The following SOS1 variants were observed in gnomAD, a reference collection of about 807,000 sequenced individuals.
SOS1 encodes the protein SOS Ras/Rac guanine nucleotide exchange factor 1.
Under a neutral mutation model 157.6 loss-of-function variants are expected in SOS1, and 25 were observed. The ratio of observed to expected loss-of-function variants is 0.16; its 90% CI spans 0.12 to 0.22. SOS1 has a LOEUF of 0.22. Among genes scored for constraint, SOS1 ranks in the 10% least tolerant of loss-of-function variants. The pLI, the probability that SOS1 is intolerant of heterozygous loss-of-function variation, is 1.00. For missense variants in SOS1, 1,237 were observed against 1,599.1 expected (o/e 0.77, Z 3.86); for synonymous variants, 528 against 534.0 (o/e 0.99, Z 0.16).
intron 1 of SOS1, among the ~76,000 whole-genome samples, chr2:39,077,297 G>A (rs1210933130): frequency 6.7e-6 from 1 of 148,716 alleles, no homozygotes; most frequent in Non-Finnish European, 1.5e-5. Flanking sequence ...AGCCGAGATC[G>A]TGCCAGAGTG....
chr2:39,014,712 A>G (rs1298684997), intron 11 of SOS1, 53 bp downstream of exon 11: 7 of 971,398 alleles, frequency 7.2e-6, no homozygotes, highest in Non-Finnish European at 1.1e-5. Context: ...TCTTAGCTCA[A>G]TCTCTTTTTT....
At chr2:39,082,014 G>T (rs1672218616) in intron 1 of SOS1, among the ~76,000 whole-genome samples, 1 of 151,978 alleles carries the variant, frequency 6.6e-6, no homozygotes, top group African/African-American at 2.4e-5. Flanking sequence ...ATGGTAAATG[G>T]GGTATCCATT....
intron 8 of SOS1, among the ~76,000 whole-genome samples, chr2:39,028,969 T>G (rs761858874): frequency 1.4e-4 from 22 of 152,250 alleles, no homozygotes; most frequent in Non-Finnish European, 2.5e-4. Context: ...TTAGCAAATG[T>G]ATGAAATATT....
intron 17 of SOS1, among the ~76,000 whole-genome samples, chr2:39,001,341 G>A (rs754505854): frequency 7.2e-5 from 11 of 152,178 alleles, no homozygotes; most frequent in Non-Finnish European, 1.5e-4. Flanking sequence ...GGGATTACAG[G>A]CTTGAGCCAC....
Position 39,035,220 on chromosome 2 carries a change from G to T in SOS1, c.1066C>A (p.Leu356Ile). The change falls in exon 8 of 23, where the codon CTT becomes ATT. Residue 356 changes from leucine (L) to isoleucine (I), a missense_variant. Leu to Ile is a conservative substitution (Grantham distance 5). Transcript: ENST00000402219. ...ATAAAGAGTTTTCTTACCTTCAAAA[G>T]TTCAAAGTAATGGAGACAGTGGTAA... ...PVYHCLHYFELLKQLEEKSED... is the reference protein window; with the variant it reads ...PVYHCLHYFEILKQLEEKSED... 6.2e-7 allele frequency: 1 copy of T among 1,609,068 alleles called. No homozygotes were observed. The highest frequency in any genetic ancestry group is 8.5e-7 in the Non-Finnish European group (1 of 1,175,664).
At chr2:39,123,326 G>A (rs1673960238), upstream of SOS1, among the ~76,000 whole-genome samples, 1 of 150,176 alleles carries the variant, frequency 6.7e-6, no homozygotes. Flanking sequence ...CAAATAAAAT[G>A]TAAACTCCTA....
At position 39,074,748 on chromosome 2, in the gene SOS1, T is replaced by C. The variant is rs944960938; in HGVS notation, c.88-6995A>G. Reference sequence around the variant, plus strand: ...CGGGTATGGTGGCACGTGCCTGTAATCCCAGCTACTTGGGAGGCTAAGGCA... The same window carrying C: ...CGGGTATGGTGGCACGTGCCTGTAACCCCAGCTACTTGGGAGGCTAAGGCA... On this transcript the variant is annotated intron_variant, in intron 1 of 22. Coordinates refer to ENST00000402219, the MANE Select transcript of SOS1 (RefSeq NM_005633.4). 6.6e-5 allele frequency among the ~76,000 whole-genome samples: 10 copies of C among 151,478 alleles called. 1 individual carries two copies.
In SOS1 at chr2:39,120,637, G is replaced by A. The variant is rs1025912175; in HGVS notation, c.-215C>T. 55 of 304,834 alleles carry A rather than the reference G, an allele frequency of 1.8e-4. No individual in the cohort carries two copies. The East Asian group carries it at 8.4e-3, about 46-fold the overall frequency. 18.9% of individuals were successfully genotyped at this position (304,834 alleles called of 1,614,324 possible). ...ACCCGACACAGGTACCAGCCGTGGAGAACGGACGCGGCCCGGAGGCGGCGG... is the reference window on the plus strand; with the variant it reads ...ACCCGACACAGGTACCAGCCGTGGAAAACGGACGCGGCCCGGAGGCGGCGG... On this transcript the variant is annotated 5_prime_UTR_variant, in exon 1 of 23. Coordinates refer to ENST00000402219, the MANE Select transcript of SOS1 (RefSeq NM_005633.4).
intron 1 of SOS1, among the ~76,000 whole-genome samples, chr2:39,113,371 T>C (rs1673512558): frequency 6.6e-6 from 1 of 151,140 alleles, no homozygotes; most frequent in Non-Finnish European, 1.5e-5. Flanking sequence ...TTTTTTTTTT[T>C]TTCCCTTGTA....
intron 6 of SOS1, among the ~76,000 whole-genome samples, chr2:39,040,104 C>T (rs1203322401): frequency 6.6e-6 from 1 of 152,062 alleles, no homozygotes; most frequent in African/African-American, 2.4e-5. Flanking sequence ...CTCCGCCTCC[C>T]AGGTTCACAC....
chr2:39,013,211 T>G (rs1262725498), intron 13 of SOS1, among the ~76,000 whole-genome samples: 1 of 152,142 alleles, frequency 6.6e-6, no homozygotes, highest in Non-Finnish European at 1.5e-5. Context: ...ATATGAAGAC[T>G]TGGCTTAATC....
chr2:39,004,910 T>G (rs1669235572), intron 17 of SOS1, among the ~76,000 whole-genome samples: 1 of 152,156 alleles, frequency 6.6e-6, no homozygotes, highest in African/African-American at 2.4e-5. Context: ...GAAATTTGCT[T>G]TGTCATACAC....
At chr2:39,112,247 G>A (rs965860932) in intron 1 of SOS1, among the ~76,000 whole-genome samples, 2 of 152,036 alleles carry the variant, frequency 1.3e-5, no homozygotes, top group African/African-American at 2.4e-5. Flanking sequence ...ACAGATAAGC[G>A]CTATTGGAGG....
intron 6 of SOS1, among the ~76,000 whole-genome samples, chr2:39,040,190 G>GTTTTTTTTT (rs1670518431): frequency 1.3e-5 from 2 of 149,440 alleles, no homozygotes; most frequent in African/African-American, 4.9e-5. Flanking sequence ...TTTTTTTTTT[G>GTTTTTTTTT]TATTTTTTAG....
intron 6 of SOS1, among the ~76,000 whole-genome samples, chr2:39,043,013 T>C (rs565312121): frequency 2.1e-4 from 32 of 152,306 alleles, no homozygotes; most frequent in Non-Finnish European, 4.4e-4. Context: ...TTCTGTCTTT[T>C]TGTATTGGGT....
chr2:39,021,526 A>G (rs1572829024), intron 10 of SOS1, among the ~76,000 whole-genome samples: 1 of 2,690 alleles, frequency 3.7e-4, no homozygotes, highest in African/African-American at 6.5e-4. Context: ...GCTCTACAGG[A>G]AAAAAAAAAA....
chr2:39,096,932 A>G (rs1054848746), intron 1 of SOS1, among the ~76,000 whole-genome samples: 4 of 152,208 alleles, frequency 2.6e-5, no homozygotes, highest in Non-Finnish European at 5.9e-5. Context: ...CTTTTCTTCA[A>G]GCAATATAAA....
chr2:39,043,679 G>T (rs902084978), intron 6 of SOS1, among the ~76,000 whole-genome samples: 2 of 152,184 alleles, frequency 1.3e-5, no homozygotes, highest in African/African-American at 4.8e-5. Context: ...GCAGAGTCCT[G>T]ACGCGGTGCA....
intron 1 of SOS1, among the ~76,000 whole-genome samples, chr2:39,106,375 G>A (rs1189350228): frequency 6.6e-6 from 1 of 151,926 alleles, no homozygotes; most frequent in South Asian, 2.1e-4. Flanking sequence ...CGGATCACGA[G>A]GTCAGGAGAT....
Sources: allele counts gnomAD v4.1 joint callset (sites outside exome capture counted in the v4.1 genomes callset), GRCh38; gene constraint gnomAD v4.1.1; transcripts MANE v1.5; gene names NCBI Gene and HGNC (gene_info 2026-07-23, HGNC 2026-07-21).